Variants in THOC1 observed in about 807,000 individuals in gnomAD.
THOC1 encodes the protein THO complex subunit 1.
THOC1 carries 29 observed loss-of-function variants against 97.3 expected under a neutral mutation model. The ratio of observed to expected loss-of-function variants is 0.30; its 90% confidence interval spans 0.22 to 0.41. THOC1 has a LOEUF of 0.41. Ranked by LOEUF, THOC1 falls within the 10% of genes least tolerant of loss-of-function variation. The pLI is 1.00. For missense variants in THOC1, 529 were observed against 761.9 expected (o/e 0.69, Z 3.60); for synonymous variants, 255 against 257.0 (o/e 0.99, Z 0.07).
intron 11 of THOC1, among the ~76,000 whole-genome samples, chr18:239,503 G>A (rs751051768): frequency 2.7e-4 from 41 of 152,018 alleles, no homozygotes; most frequent in Admixed American, 1.2e-3. Context: ...ACAGAGTTTC[G>A]CTGTGTTGGC....
At chr18:267,294 T>G (rs1912807907) in intron 1 of THOC1, among the ~76,000 whole-genome samples, 1 of 152,168 alleles carries the variant, frequency 6.6e-6, no homozygotes, top group Non-Finnish European at 1.5e-5. Flanking sequence ...GGTGTCAGCT[T>G]CTACCTCATG....
At chr18:214,973 A>G in intron 20 of THOC1, 52 bp from the exon 21 acceptor site, 2 of 1,559,026 alleles carry the variant, frequency 1.3e-6, no homozygotes. Flanking sequence ...ATACAACAGA[A>G]ATGGAAAGCT....
At chr18:226,704 TA>T in intron 12 of THOC1, 96 bp downstream of exon 12, 2 of 824,506 alleles carry the variant, frequency 2.4e-6, no homozygotes, top group Non-Finnish European at 1.9e-6. Flanking sequence ...GATACAGCCT[TA>T]ACATGAAATG....
Position 254,064 on chromosome 18 carries a change from C to A in THOC1, c.603+209G>T, listed in dbSNP as rs943342534. 6.6e-5 allele frequency among the ~76,000 whole-genome samples: 10 copies of A among 151,822 alleles called. No individual in the cohort carries two copies. Among genetic ancestry groups the A allele is most frequent in the African/African-American group, 2.4e-4 (10 of 41,318 alleles). ...TAGCTGGGACCACAGGCGTGCACCACCATGCCCTGCTAATTTTTGTACTTT... is the reference window on the plus strand; with the variant it reads ...TAGCTGGGACCACAGGCGTGCACCAACATGCCCTGCTAATTTTTGTACTTT... On this transcript the variant is annotated intron_variant, in intron 8 of 20. Coordinates refer to ENST00000261600, the MANE Select transcript of THOC1 (RefSeq NM_005131.3). This position sits in a 1 kb window ranked among gnomAD's most constrained non-coding sequence, Gnocchi z 4.1.
rs554731930 is a variant in THOC1, at chr18:226,525, G to A, written c.1019+276C>T. ...CTGAGGGAGGTGAGAAGGGAATGAC[G>A]GAATTTTGGAGCAGAGACCTCCACC... On this transcript the variant is annotated intron_variant, in intron 12 of 20. Coordinates refer to ENST00000261600, the MANE Select transcript of THOC1 (RefSeq NM_005131.3). 4.0e-5 allele frequency: 12 copies of A among 301,000 alleles called. No homozygotes were observed. The South Asian group carries it at 4.3e-4, about 11-fold the overall frequency. 18.6% of individuals were successfully genotyped at this position (301,000 alleles called of 1,614,324 possible).
rs1309111003 is a variant in THOC1, at chr18:214,779, T to C, written c.1821A>G (p.Glu607=). Residue 607 remains glutamate (E), a synonymous_variant, in exon 21 of 21, where the codon GAA becomes GAG. Coordinates refer to ENST00000261600, the MANE Select transcript of THOC1 (RefSeq NM_005131.3). ...GCTGCTTAGCTCTCATCTTCATGTC[T>C]TCACTGTCACACTCAATCTGCCTAA... is the stretch of plus-strand genomic sequence containing the variant. ...SEIRQIECDS[E]DMKMRAKQLL... 9 of 1,613,866 alleles carry C rather than the reference T, an allele frequency of 5.6e-6. No individual in the cohort carries two copies. Among genetic ancestry groups the C allele is most frequent in the Non-Finnish European group, 7.6e-6 (9 of 1,179,870 alleles).
intron 11 of THOC1, among the ~76,000 whole-genome samples, chr18:230,126 A>C (rs1420630150): frequency 6.6e-6 from 1 of 152,196 alleles, no homozygotes; most frequent in Non-Finnish European, 1.5e-5. Flanking sequence ...AATTTCCTCC[A>C]CAAAAGCTGT....
chr18:259,396 T>C (rs573860300), intron 6 of THOC1, 121 bp from the exon 7 acceptor site: 46 of 826,468 alleles, frequency 5.6e-5, no homozygotes, highest in African/African-American at 5.0e-4. Context: ...AGTTCTTAAA[T>C]TGGGGGCCGA....
At chr18:267,663 T>C (rs758700134) in intron 1 of THOC1, among the ~76,000 whole-genome samples, 10 of 152,014 alleles carry the variant, frequency 6.6e-5, no homozygotes, top group Admixed American at 2.0e-4. Flanking sequence ...CTAAACGAGC[T>C]GAGAGGATGG....
At chr18:215,553 A>C in intron 19 of THOC1, 49 bp from the exon 20 acceptor site, 7 of 1,467,442 alleles carry the variant, frequency 4.8e-6, no homozygotes, top group Non-Finnish European at 5.7e-6. Context: ...CCTCTGAAGT[A>C]AGGTAACAGG....
At chr18:267,861 C>T in intron 1 of THOC1, 105 bp downstream of exon 1, 1 of 1,214,636 alleles carries the variant, frequency 8.2e-7, no homozygotes, top group South Asian at 1.6e-5. Flanking sequence ...GAGGCGGACA[C>T]ACCTCTGTCT....
In THOC1 at chr18:267,310, G is replaced by A. The variant is rs529611516; in HGVS notation, c.54+656C>T. Among the ~76,000 whole-genome samples, 7 of 152,216 alleles carry A rather than the reference G, an allele frequency of 4.6e-5. No homozygotes were observed. The South Asian group carries it at 1.5e-3, about 32-fold the overall frequency. On this transcript the variant is annotated intron_variant, in intron 1 of 20. Transcript: ENST00000261600. ...GTGTCAGCTTCTACCTCATGTACCA[G>A]GAATAACCAACTTAGCCTACTTCAC...
At chr18:214,991 C>T (rs7343029) in intron 20 of THOC1, 70 bp from the exon 21 acceptor site, 182,897 of 1,438,032 alleles carry the variant, frequency 0.13, 13,410 homozygotes, top group African/African-American at 0.26. Flanking sequence ...GCTATGGGGC[C>T]AATAAGTTTT....
chr18:247,820 C>T, intron 10 of THOC1, 29 bp downstream of exon 10: 1 of 1,348,656 alleles, frequency 7.4e-7, no homozygotes, highest in Non-Finnish European at 1.1e-6. Flanking sequence ...AAATACTGGG[C>T]TTCTGATAGT....
At chr18:224,249 G>T (rs996135997) in intron 15 of THOC1, 70 bp from the exon 16 acceptor site, 1 of 1,194,276 alleles carries the variant, frequency 8.4e-7, no homozygotes. Context: ...AATGTTTAAC[G>T]TAAAAGAAAA....
Position 243,276 on chromosome 18 carries a change from A to G in THOC1, c.918+3048T>C, listed in dbSNP as rs556923484. Among the ~76,000 whole-genome samples, 11 of 152,312 alleles carry G rather than the reference A, an allele frequency of 7.2e-5. No individual in the cohort carries two copies. The East Asian group carries it at 1.2e-3, about 16-fold the overall frequency. On this transcript the variant is annotated intron_variant, in intron 11 of 20. Transcript: ENST00000261600. Reference sequence around the variant, plus strand: ...TGAAAGCAAGTTCACAAAGAATCAGAAAAGGAGAGATACTATTAGAAAGCC... The same window carrying G: ...TGAAAGCAAGTTCACAAAGAATCAGGAAAGGAGAGATACTATTAGAAAGCC...
chr18:221,810 G>T (rs748544331), intron 17 of THOC1, among the ~76,000 whole-genome samples: 1 of 151,924 alleles, frequency 6.6e-6, no homozygotes, highest in South Asian at 2.1e-4. Flanking sequence ...GGGTTTCACC[G>T]TGTTAGCCAC....
chr18:225,699 C>T (rs983166747), intron 12 of THOC1: 15 of 286,516 alleles, frequency 5.2e-5, no homozygotes, highest in Non-Finnish European at 7.7e-5. Flanking sequence ...GAGTGTGAAA[C>T]GAAAACTTCT....
At position 236,424 on chromosome 18, in the gene THOC1, C is replaced by T. The variant is rs556295187; in HGVS notation, c.919-9523G>A. 2.4e-3 allele frequency among the ~76,000 whole-genome samples: 344 copies of T among 145,100 alleles called. 1 individual carries two copies. Among genetic ancestry groups the T allele is most frequent in the Non-Finnish European group, 3.6e-3 (241 of 67,124 alleles). On this transcript the variant is annotated intron_variant, in intron 11 of 20. Coordinates refer to ENST00000261600, the MANE Select transcript of THOC1 (RefSeq NM_005131.3). ...AGGCGGGAGTGCAGTGGCGCGATCT[C>T]GGCTCACTGCAAGCTCCGCCTCCCG...
Sources: gnomAD v4.1 joint callset for allele counts (sites outside exome capture counted in the v4.1 genomes callset) on GRCh38, gnomAD v4.1.1 for gene constraint, Gnocchi (gnomAD v3.1) non-coding constraint, MANE v1.5 for transcripts, NCBI Gene and HGNC (gene_info 2026-07-23, HGNC 2026-07-21) for gene names.